Variants in PRKCB observed in about 807,000 individuals in gnomAD.
PRKCB encodes protein kinase C beta type.
A neutral mutation model predicts 81.5 loss-of-function variants in PRKCB; 13 were observed. The ratio of observed to expected loss-of-function variants is 0.16; its 90% CI spans 0.10 to 0.25. The LOEUF (loss-of-function observed/expected upper bound fraction) is 0.25. PRKCB is among the 10% of genes least tolerant of loss of function. The pLI, the probability that PRKCB is intolerant of heterozygous loss-of-function variation, is 1.00. For missense variants in PRKCB, 509 were observed against 875.7 expected (o/e 0.58, Z 5.29); for synonymous variants, 335 against 321.4 (o/e 1.04, Z -0.45).
In PRKCB at chr16:24,007,794, C is replaced by A. The variant is rs571663855; in HGVS notation, c.288+19204C>A. The stretch of plus-strand genomic sequence containing the variant: ...GACCGTAATTTCTGGAGCCTGCAGG[C>A]CTGGGGGCAAATGGAGAAATCAAAA... On this transcript the variant is annotated intron_variant, in intron 3 of 16. Coordinates refer to ENST00000643927, the MANE Select transcript of PRKCB (RefSeq NM_002738.7). 3.9e-5 allele frequency among the ~76,000 whole-genome samples: 6 copies of A among 152,276 alleles called. No homozygotes were observed. In the South Asian group the frequency reaches 1.0e-3, roughly 26 times the overall value.
intron 2 of PRKCB, among the ~76,000 whole-genome samples, chr16:23,950,147 T>TC (rs1275931233): frequency 6.8e-6 from 1 of 146,370 alleles, no homozygotes; most frequent in Non-Finnish European, 1.5e-5. Context: ...TTTTTTTTTT[T>TC]TTTTTTTTTT....
At chr16:24,060,025 C>T (rs1965952790) in intron 5 of PRKCB, among the ~76,000 whole-genome samples, 1 of 152,036 alleles carries the variant, frequency 6.6e-6, no homozygotes, top group African/African-American at 2.4e-5. Flanking sequence ...AAGAAAGGGG[C>T]CAGGGAAGGC....
At chr16:23,856,214 C>T (rs1396845478) in intron 2 of PRKCB, among the ~76,000 whole-genome samples, 3 of 152,126 alleles carry the variant, frequency 2.0e-5, no homozygotes, top group Non-Finnish European at 4.4e-5. Context: ...GATTCATATC[C>T]AACCAACGAT....
chr16:24,011,793 G>T (rs1965206100), intron 3 of PRKCB, among the ~76,000 whole-genome samples: 2 of 152,114 alleles, frequency 1.3e-5, no homozygotes, highest in Non-Finnish European at 2.9e-5. Context: ...CCTTAGCTGT[G>T]CACTTTAAAT....
rs1963890959 is a variant in PRKCB, at chr16:23,925,959, G to A, written c.206-62549G>A. Among the ~76,000 whole-genome samples, 4 of 151,018 alleles carry A rather than the reference G, an allele frequency of 2.6e-5. No individual in the cohort carries two copies. The South Asian group carries it at 6.3e-4, about 24-fold the overall frequency. On this transcript the variant is annotated intron_variant, in intron 2 of 16. Transcript: ENST00000643927. ...TTTTTTTTTAAGATAATGGCTTTGG[G>A]TTCCATCCTGTTGCTGCAAAAGACA...
intron 2 of PRKCB, among the ~76,000 whole-genome samples, chr16:23,860,097 A>T (rs1962640331): frequency 6.6e-6 from 1 of 152,190 alleles, no homozygotes; most frequent in African/African-American, 2.4e-5. Flanking sequence ...TTCAAATCTC[A>T]TGACCCCAGG....
intron 2 of PRKCB, among the ~76,000 whole-genome samples, chr16:23,906,206 T>C (rs1246749998): frequency 6.6e-6 from 1 of 152,200 alleles, no homozygotes; most frequent in African/African-American, 2.4e-5. Context: ...CATAGAATAT[T>C]ATCAAACTTT....
At chr16:23,882,022 C>CTTTCTTTCTTTCTCTTTCTTTCT (rs1567301134) in intron 2 of PRKCB, among the ~76,000 whole-genome samples, 7 of 57,458 alleles carry the variant, frequency 1.2e-4, no homozygotes, top group East Asian at 4.0e-4. Context: ...TTCTTTCTTT[C>CTTTCTTTCTTTCTCTTTCTTTCT]TTCCTTCCTT....
rs201288063 is a variant in PRKCB at position 24,097,161 on chromosome 16, C to T, written c.821+2864C>T. Among the ~76,000 whole-genome samples the T allele has an allele frequency of 2.8e-4, 42 of 151,600 alleles. No individual in the cohort carries two copies. In the East Asian group the frequency reaches 7.8e-3, roughly 28 times the overall value. ...AAGCAATTCTCCTGCCTCAGCCTCC[C>T]GAGTAGCTGGGACTACAGGTGCCCG... is the stretch of plus-strand genomic sequence containing the variant. On this transcript the variant is annotated intron_variant, in intron 7 of 16. Transcript: ENST00000643927.
intron 2 of PRKCB, among the ~76,000 whole-genome samples, chr16:23,847,386 A>G (rs968781954): frequency 1.3e-5 from 2 of 150,998 alleles, no homozygotes; most frequent in East Asian, 2.0e-4. Flanking sequence ...CTGTCCATCT[A>G]TCTATCTATC....
At chr16:24,126,743 C>G (rs1966844995) in intron 9 of PRKCB, among the ~76,000 whole-genome samples, 1 of 151,982 alleles carries the variant, frequency 6.6e-6, no homozygotes, top group Non-Finnish European at 1.5e-5. Context: ...ACCATGTTGA[C>G]CAGGCTGGTC....
rs549256815 is a variant in PRKCB at position 24,085,807 on chromosome 16, C to T, written c.530-6984C>T. ...TGCTAACTTAGTTCCTGATTCACCA[C>T]GCTAGCTCTCCACCATTGTTTCACT... On this transcript the variant is annotated intron_variant, in intron 5 of 16. Transcript: ENST00000643927. Among the ~76,000 whole-genome samples, 88 of 152,326 alleles carry T rather than the reference C, an allele frequency of 5.8e-4. 1 individual carries two copies. The highest frequency in any genetic ancestry group is 1.7e-3 in the African/African-American group (71 of 41,568).
At chr16:24,091,676 T>A (rs1396186525) in intron 5 of PRKCB, among the ~76,000 whole-genome samples, 1 of 152,176 alleles carries the variant, frequency 6.6e-6, no homozygotes, top group Admixed American at 6.5e-5. Flanking sequence ...AGTGGCATGA[T>A]CTTGGCTCAC....
At chr16:24,039,304 C>G (rs1049527504) in intron 5 of PRKCB, among the ~76,000 whole-genome samples, 1 of 152,196 alleles carries the variant, frequency 6.6e-6, no homozygotes, top group Non-Finnish European at 1.5e-5. Context: ...TCTCTGCTCA[C>G]TGCAACCTCT....
intron 3 of PRKCB, among the ~76,000 whole-genome samples, chr16:24,002,104 T>C (rs1377480840): frequency 6.6e-6 from 1 of 152,196 alleles, no homozygotes; most frequent in African/African-American, 2.4e-5. Context: ...TGCTGGGCTC[T>C]GTCCTGGGTC....
intron 2 of PRKCB, among the ~76,000 whole-genome samples, chr16:23,871,780 G>A (rs1185828912): frequency 1.3e-5 from 2 of 150,884 alleles, no homozygotes; most frequent in Non-Finnish European, 2.9e-5. Flanking sequence ...GTTTCATCAT[G>A]TTGGTCTGGC....
chr16:23,880,475 C>T (rs908038020), intron 2 of PRKCB, among the ~76,000 whole-genome samples: 3 of 152,010 alleles, frequency 2.0e-5, no homozygotes, highest in African/African-American at 7.3e-5. Flanking sequence ...TGTATTTTCT[C>T]TGCCCTGGTT....
At chr16:24,031,666 G>A (rs994097260) in intron 3 of PRKCB, among the ~76,000 whole-genome samples, 1 of 152,252 alleles carries the variant, frequency 6.6e-6, no homozygotes, top group Non-Finnish European at 1.5e-5. Flanking sequence ...TTCTGTCAGT[G>A]ATGAGGAACT....
chr16:24,024,844 C>G (rs1454562463), intron 3 of PRKCB, among the ~76,000 whole-genome samples: 7 of 152,106 alleles, frequency 4.6e-5, no homozygotes, highest in Non-Finnish European at 8.8e-5. Flanking sequence ...GGAAAGGTAC[C>G]CTGAAAGATG....
Sources: gnomAD v4.1 joint callset for allele counts (sites outside exome capture counted in the v4.1 genomes callset) on GRCh38, gnomAD v4.1.1 for gene constraint, MANE v1.5 for transcripts, NCBI Gene and HGNC (gene_info 2026-07-23, HGNC 2026-07-21) for gene names.